The following BLMH variants were observed in gnomAD, a reference collection of about 807,000 sequenced individuals.
The protein encoded by BLMH is bleomycin hydrolase, also known as BLM hydrolase.
Under a neutral mutation model 61.6 loss-of-function variants are expected in BLMH, and 32 were observed. The ratio of observed to expected loss-of-function variants is 0.52; its 90% CI spans 0.39 to 0.70. BLMH has a LOEUF of 0.70. BLMH is among the 30% of genes least tolerant of loss of function. The pLI is 0.00. For missense variants in BLMH, 460 were observed against 555.5 expected, an observed-to-expected ratio of 0.83 and a Z score of 1.73; for synonymous variants, 183 against 193.8, an observed-to-expected ratio of 0.94 and a Z score of 0.46.
chr17:30,278,071 T>C (rs1338321547), intron 6 of BLMH, among the ~76,000 whole-genome samples: 1 of 152,172 alleles, frequency 6.6e-6, no homozygotes, highest in African/African-American at 2.4e-5. Context: ...TATCTGACTC[T>C]GAGCCAAATA....
chr17:30,278,245 A>G (rs1284135577), intron 6 of BLMH, among the ~76,000 whole-genome samples: 1 of 152,178 alleles, frequency 6.6e-6, no homozygotes, highest in Admixed American at 6.5e-5. Context: ...GGTGGGCAAC[A>G]CTGGAGTGTC....
At chr17:30,282,219 GTTTT>G (rs74886535) in intron 6 of BLMH, among the ~76,000 whole-genome samples, 9 of 122,214 alleles carry the variant, frequency 7.4e-5, no homozygotes, top group African/African-American at 3.1e-4. Flanking sequence ...AACAGACAAG[GTTTT>G]TTTTTTTTTT....
chr17:30,282,707 G>A (rs149312517), intron 6 of BLMH, among the ~76,000 whole-genome samples: 162 of 152,290 alleles, frequency 1.1e-3, no homozygotes, highest in African/African-American at 3.8e-3. Context: ...AGCTATCTGA[G>A]CTTCACGGCT....
rs771415262 is a variant in BLMH at position 30,285,414 on chromosome 17, C to A, written c.619G>T (p.Ala207Ser). The change falls in exon 6 of 12, where the codon GCC becomes TCC. Residue 207 changes from alanine to serine, a missense_variant. Physicochemically the swap from Ala to Ser is moderately conservative, Grantham distance 99. Transcript: ENST00000261714. ...TCCTCCATCATGACGTCCTGTGTGG[C>A]CGAGATTTCTCCTTTGGTTGCTCCA... ...HSGATKGEIS[A>S]TQDVMMEEIF... 6.2e-7 allele frequency: 1 copy of A among 1,612,058 alleles called. No homozygotes were observed. Among genetic ancestry groups the A allele is most frequent in the African/African-American group, 1.3e-5 (1 of 74,862 alleles).
chr17:30,287,039 GTTT>G, intron 4 of BLMH, 137 bp from the exon 5 acceptor site: 1 of 592,092 alleles, frequency 1.7e-6, no homozygotes, highest in Non-Finnish European at 2.9e-6. Context: ...ATGAAGCAGG[GTTT>G]TTTGTTTTTT....
At chr17:30,269,177 A>T (rs1160955071) in intron 10 of BLMH, among the ~76,000 whole-genome samples, 1 of 143,286 alleles carries the variant, frequency 7.0e-6, no homozygotes. Context: ...TTATTTATTT[A>T]TTGTTTTTTT....
At chr17:30,291,066 A>G in intron 2 of BLMH, 1 of 539,758 alleles carries the variant, frequency 1.9e-6, no homozygotes, top group East Asian at 3.1e-5. Context: ...ATAGTCAATT[A>G]CACTCAAACG....
At chr17:30,255,989 C>G (rs887020481) in intron 11 of BLMH, among the ~76,000 whole-genome samples, 1 of 152,194 alleles carries the variant, frequency 6.6e-6, no homozygotes, top group African/African-American at 2.4e-5. Context: ...TGGGGACATG[C>G]GATCCTCCCA....
At chr17:30,289,966 G>A (rs1318621274) in intron 2 of BLMH, among the ~76,000 whole-genome samples, 3 of 152,000 alleles carry the variant, frequency 2.0e-5, no homozygotes, top group African/African-American at 4.8e-5. Context: ...AGGTATCAAT[G>A]CATATTAAAC....
intron 3 of BLMH, chr17:30,288,248 T>C: frequency 3.6e-6 from 1 of 274,178 alleles, no homozygotes; most frequent in Non-Finnish European, 7.0e-6. Flanking sequence ...ATATCTGAAG[T>C]TTCTTCTTTT....
chr17:30,270,128 AATGATATGCT>A (rs1413707988), intron 10 of BLMH, among the ~76,000 whole-genome samples: 1 of 152,214 alleles, frequency 6.6e-6, no homozygotes, highest in Non-Finnish European at 1.5e-5. Flanking sequence ...AATGTGGCAT[AATGATATGCT>A]AAGATATTTC....
intron 7 of BLMH, 24 bp from the exon 8 acceptor site, chr17:30,272,923 A>G (rs757828457): frequency 6.2e-7 from 1 of 1,610,152 alleles, no homozygotes; most frequent in Non-Finnish European, 8.5e-7. Flanking sequence ...GAACACATTA[A>G]TTAGGGCACA....
At chr17:30,289,565 A>C in intron 2 of BLMH, 83 bp from the exon 3 acceptor site, 2 of 862,388 alleles carry the variant, frequency 2.3e-6, no homozygotes, top group Non-Finnish European at 3.5e-6. Flanking sequence ...CAATGAACTC[A>C]TGACACGATC....
At chr17:30,277,383 T>C (rs1480487698) in intron 6 of BLMH, among the ~76,000 whole-genome samples, 6 of 152,258 alleles carry the variant, frequency 3.9e-5, no homozygotes, top group Non-Finnish European at 8.8e-5. Flanking sequence ...TCTGTCATTA[T>C]GAAGAAGACA....
chr17:30,265,757 C>T (rs922711727), intron 11 of BLMH, among the ~76,000 whole-genome samples: 1 of 152,106 alleles, frequency 6.6e-6, no homozygotes, highest in Non-Finnish European at 1.5e-5. Context: ...CTATAAAATG[C>T]CCCCAGCACA....
intron 11 of BLMH, among the ~76,000 whole-genome samples, chr17:30,257,044 C>A (rs1364572004): frequency 6.6e-6 from 1 of 152,176 alleles, no homozygotes; most frequent in Non-Finnish European, 1.5e-5. Flanking sequence ...AATGCACTTA[C>A]CCTCTTCATT....
At chr17:30,284,602 C>A (rs1242662733) in intron 6 of BLMH, among the ~76,000 whole-genome samples, 1 of 152,162 alleles carries the variant, frequency 6.6e-6, no homozygotes, top group Non-Finnish European at 1.5e-5. Flanking sequence ...AATAAAGTTT[C>A]TTAACTGTCT....
intron 11 of BLMH, among the ~76,000 whole-genome samples, chr17:30,261,942 A>T (rs1275627456): frequency 6.6e-6 from 1 of 152,250 alleles, no homozygotes; most frequent in African/African-American, 2.4e-5. Context: ...AAATGAAAGA[A>T]ATCAGGAACA....
intron 5 of BLMH, 131 bp downstream of exon 5, chr17:30,286,683 T>C (rs1428337816): frequency 6.6e-6 from 4 of 605,210 alleles, no homozygotes; most frequent in Admixed American, 7.2e-5. Flanking sequence ...TACATTGCTT[T>C]TGACAGACAT....
Sources: gnomAD v4.1 joint callset for allele counts (sites outside exome capture counted in the v4.1 genomes callset) on GRCh38, gnomAD v4.1.1 for gene constraint, MANE v1.5 for transcripts, NCBI Gene and HGNC (gene_info 2026-07-23, HGNC 2026-07-21) for gene names.